The following PLPPR1 variants were observed in gnomAD, a reference collection of about 807,000 sequenced individuals.
PLPPR1 encodes the protein phospholipid phosphatase-related protein type 1.
PLPPR1 carries 10 observed loss-of-function variants against 33.1 expected under a neutral mutation model. That is an observed-to-expected ratio of 0.30 (90% confidence interval 0.19 to 0.51). The LOEUF (loss-of-function observed/expected upper bound fraction) is 0.51. Ranked by LOEUF, PLPPR1 falls within the 20% of genes least tolerant of loss-of-function variation. The pLI is 0.97. For synonymous variants in PLPPR1, 151 were observed against 151.0 expected, an observed-to-expected ratio of 1.00 and a Z score of 0.00; for missense variants, 304 against 408.1, an observed-to-expected ratio of 0.74 and a Z score of 2.20.
At chr9:101,116,165 A>G (rs533995268) in intron 1 of PLPPR1, among the ~76,000 whole-genome samples, 1 of 152,248 alleles carries the variant, frequency 6.6e-6, no homozygotes, top group South Asian at 2.1e-4. Context: ...CATGCGGTTA[A>G]GAGTACAGGC....
At chr9:101,319,291 C>T (rs1221393408) in intron 7 of PLPPR1, among the ~76,000 whole-genome samples, 1 of 151,282 alleles carries the variant, frequency 6.6e-6, no homozygotes, top group Admixed American at 6.5e-5. Flanking sequence ...ATTCTCTCGC[C>T]TCAGCCTCCC....
At chr9:101,212,108 A>G (rs1231415013) in intron 2 of PLPPR1, among the ~76,000 whole-genome samples, 1 of 151,866 alleles carries the variant, frequency 6.6e-6, no homozygotes, top group Non-Finnish European at 1.5e-5. Flanking sequence ...TCTGAGATGG[A>G]GTCTCGCTCT....
intron 4 of PLPPR1, among the ~76,000 whole-genome samples, chr9:101,295,787 A>C (rs1257087421): frequency 4.5e-4 from 69 of 152,226 alleles, no homozygotes; most frequent in African/African-American, 1.6e-3. Flanking sequence ...CTTACACCTT[A>C]TACGAAAATT....
In PLPPR1 at chr9:101,323,037, T is replaced by C. The variant is rs117880225; in HGVS notation, c.946-988T>C. On this transcript the variant is annotated intron_variant, in intron 7 of 7. Transcript: ENST00000374874. ...ATAATAAACTCACTTCTATGTAATT[T>C]GTGACTCTAATGATAAAACATGTAG... 7.6e-3 allele frequency among the ~76,000 whole-genome samples: 1,159 copies of C among 152,298 alleles called. 20 individuals are homozygous for C. Among genetic ancestry groups the C allele is most frequent in the Non-Finnish European group, 9.1e-3 (621 of 68,022 alleles).
chr9:101,112,427 T>C (rs1831068337), intron 1 of PLPPR1, among the ~76,000 whole-genome samples: 1 of 152,222 alleles, frequency 6.6e-6, no homozygotes, highest in African/African-American at 2.4e-5. Context: ...CAATTTTTGA[T>C]TTTAGGAGTT....
chr9:101,180,137 TATATATAC>T (rs1172195962), intron 1 of PLPPR1, among the ~76,000 whole-genome samples: 272 of 41,134 alleles, frequency 6.6e-3, no homozygotes, highest in Middle Eastern at 0.01. Context: ...TATATATATA[TATATATAC>T]ACACACACAC....
At chr9:101,310,348 C>T (rs1229479192) in intron 5 of PLPPR1, among the ~76,000 whole-genome samples, 1 of 152,154 alleles carries the variant, frequency 6.6e-6, no homozygotes, top group South Asian at 2.1e-4. Flanking sequence ...GCCCAAAACA[C>T]CCCCTTTCCT....
chr9:101,303,969 G>T (rs943932354), intron 4 of PLPPR1, among the ~76,000 whole-genome samples: 1 of 152,098 alleles, frequency 6.6e-6, no homozygotes, highest in African/African-American at 2.4e-5. Flanking sequence ...AGTTTCTTGT[G>T]CTTCACAAAC....
At chr9:101,304,522 G>A (rs1228614083) in intron 4 of PLPPR1, among the ~76,000 whole-genome samples, 1 of 152,218 alleles carries the variant, frequency 6.6e-6, no homozygotes, top group Non-Finnish European at 1.5e-5. Context: ...ATCTATGCAA[G>A]TGTAAAGTTC....
chr9:101,185,676 C>A, intron 2 of PLPPR1, 119 bp downstream of exon 2: 1 of 613,020 alleles, frequency 1.6e-6, no homozygotes, highest in Non-Finnish European at 2.8e-6. Context: ...TTTGATAGCA[C>A]AAATATTGGT....
chr9:101,216,933 A>G (rs140423647), intron 2 of PLPPR1, among the ~76,000 whole-genome samples: 1 of 152,322 alleles, frequency 6.6e-6, no homozygotes, highest in Non-Finnish European at 1.5e-5. Flanking sequence ...TTAATGAAAT[A>G]TGTTGAAAAG....
intron 2 of PLPPR1, among the ~76,000 whole-genome samples, chr9:101,241,813 G>A (rs1468701154): frequency 6.6e-6 from 1 of 151,994 alleles, no homozygotes; most frequent in African/African-American, 2.4e-5. Context: ...TTGGCACAAC[G>A]GTTTATCGTT....
intron 1 of PLPPR1, among the ~76,000 whole-genome samples, chr9:101,115,421 T>C (rs73656148): frequency 0.07 from 10,672 of 152,288 alleles, 947 homozygotes; most frequent in African/African-American, 0.21. Flanking sequence ...AACATTGGGG[T>C]TATAGTGATG....
At chr9:101,070,366 A>G (rs1376826088) in intron 1 of PLPPR1, among the ~76,000 whole-genome samples, 2 of 151,762 alleles carry the variant, frequency 1.3e-5, no homozygotes, top group Admixed American at 6.6e-5. Flanking sequence ...GCCATTGGGA[A>G]CTCTTTCAGT....
chr9:101,152,242 GTTGT>G (rs1460713199), intron 1 of PLPPR1, among the ~76,000 whole-genome samples: 1 of 152,194 alleles, frequency 6.6e-6, no homozygotes, highest in Non-Finnish European at 1.5e-5. Flanking sequence ...TTTCGCTGGA[GTTGT>G]TTGTTTTGTT....
At chr9:101,280,374 T>C (rs999492066) in intron 3 of PLPPR1, among the ~76,000 whole-genome samples, 1 of 152,110 alleles carries the variant, frequency 6.6e-6, no homozygotes, top group African/African-American at 2.4e-5. Context: ...GAAGAACTAA[T>C]ACCAATTTTA....
chr9:101,150,357 T>C (rs1221358894), intron 1 of PLPPR1, among the ~76,000 whole-genome samples: 1 of 152,218 alleles, frequency 6.6e-6, no homozygotes, highest in African/African-American at 2.4e-5. Context: ...TTGCTTGCTT[T>C]AGTTTTGTAG....
At chr9:101,039,817 A>G (rs1564127853) in intron 1 of PLPPR1, among the ~76,000 whole-genome samples, 1 of 151,918 alleles carries the variant, frequency 6.6e-6, no homozygotes, top group African/African-American at 2.4e-5. Context: ...CCACCCCATA[A>G]TTTAGTCACC....
At chr9:101,281,616 T>C (rs1828305944) in intron 3 of PLPPR1, among the ~76,000 whole-genome samples, 1 of 151,566 alleles carries the variant, frequency 6.6e-6, no homozygotes, top group South Asian at 2.1e-4. Flanking sequence ...TAAGAATAAA[T>C]AGAGACTAGA....
Sources: allele counts gnomAD v4.1 joint callset (sites outside exome capture counted in the v4.1 genomes callset), GRCh38; gene constraint gnomAD v4.1.1; transcripts MANE v1.5; gene names NCBI Gene and HGNC (gene_info 2026-07-23, HGNC 2026-07-21).